RSBN1L: variants seen among roughly 807,000 people sequenced by gnomAD.
The protein encoded by RSBN1L is lysine-specific demethylase RSBN1L.
In RSBN1L, 30 loss-of-function variants were observed where a neutral mutation model predicts 67.7. The observed-to-expected ratio is 0.44, with a 90% CI of 0.33 to 0.60. The LOEUF (loss-of-function observed/expected upper bound fraction) is 0.60. Among genes scored for constraint, RSBN1L ranks in the 20% least tolerant of loss-of-function variants. The pLI is 0.02. For missense variants in RSBN1L, 992 were observed against 1,031.7 expected (o/e 0.96, Z 0.53); for synonymous variants, 433 against 387.0 (o/e 1.12, Z -1.39).
chr7:77,728,273 C>T (rs1021211466), intron 1 of RSBN1L, among the ~76,000 whole-genome samples: 3 of 151,966 alleles, frequency 2.0e-5, no homozygotes, highest in East Asian at 1.9e-4. Flanking sequence ...CTGAATATGC[C>T]TTCCTGCATA....
In RSBN1L at chr7:77,773,312, G is replaced by A. The variant is rs1791870470; in HGVS notation, c.1791G>A (p.Glu597=). 2 of 1,533,888 alleles carry A rather than the reference G, an allele frequency of 1.3e-6. No homozygotes were observed. The highest frequency in any genetic ancestry group is 1.3e-5 in the South Asian group (1 of 79,082). Residue 597 remains glutamate (E), a splice_region_variant and synonymous_variant, in exon 6 of 8, where the codon GAG becomes GAA. Transcript: ENST00000334955. ...VGVLKAVHCG[E]WPDQPRITKD... ...TGCTGAAGGCTGTGCACTGTGGAGAGTGGTATATATAACTACCGCTATTTT... is the reference window on the plus strand; with the variant it reads ...TGCTGAAGGCTGTGCACTGTGGAGAATGGTATATATAACTACCGCTATTTT...
In RSBN1L at chr7:77,711,631, A is replaced by G. The variant is rs75207754; in HGVS notation, c.586+14576A>G. 6.7e-3 allele frequency among the ~76,000 whole-genome samples: 1,023 copies of G among 152,308 alleles called. 13 individuals are homozygous for G. The highest frequency in any genetic ancestry group is 0.024 in the African/African-American group (985 of 41,566). ...GTACTAGGATTACAAGTGTGAGCCA[A>G]AGTGCCCAGCCTGTATTGTTAAAGC... On this transcript the variant is annotated intron_variant, in intron 1 of 7. Coordinates refer to ENST00000334955, the MANE Select transcript of RSBN1L (RefSeq NM_198467.3).
chr7:77,748,610 G>A (rs547730022), intron 2 of RSBN1L, among the ~76,000 whole-genome samples: 1 of 151,950 alleles, frequency 6.6e-6, no homozygotes, highest in East Asian at 1.9e-4. Context: ...TCAGCCTCCC[G>A]GGTAGCTGGG....
At chr7:77,772,295 A>AT (rs1324686833) in intron 5 of RSBN1L, among the ~76,000 whole-genome samples, 1 of 152,202 alleles carries the variant, frequency 6.6e-6, no homozygotes, top group African/African-American at 2.4e-5. Context: ...CCCTGGGAAG[A>AT]TAGACAAGGA....
Position 77,696,742 on chromosome 7 carries a change from G to T in RSBN1L, c.273G>T (p.Leu91=). 1 of 1,613,770 alleles carries T rather than the reference G, an allele frequency of 6.2e-7. No individual in the cohort carries two copies. Among genetic ancestry groups the T allele is most frequent in the Admixed American group, 1.7e-5 (1 of 60,024 alleles). ...GSPASWSFAP[L]SAAPSPSSSR... Reference sequence around the variant, plus strand: ...CCGCGTCTTGGAGCTTTGCCCCTCTGTCTGCTGCTCCCTCCCCGTCCTCTT... The same window carrying T: ...CCGCGTCTTGGAGCTTTGCCCCTCTTTCTGCTGCTCCCTCCCCGTCCTCTT... The change falls in exon 1 of 8, where the codon CTG becomes CTT. Residue 91 remains leucine (L), a synonymous_variant. Coordinates refer to ENST00000334955, the MANE Select transcript of RSBN1L (RefSeq NM_198467.3).
At chr7:77,751,340 A>G (rs868844177) in intron 3 of RSBN1L, among the ~76,000 whole-genome samples, 5 of 152,106 alleles carry the variant, frequency 3.3e-5, no homozygotes, top group South Asian at 2.1e-4. Flanking sequence ...GGGTTTCGCT[A>G]TGTTGGCCAG....
chr7:77,773,984 C>A (rs181100549), intron 6 of RSBN1L, among the ~76,000 whole-genome samples: 1 of 152,262 alleles, frequency 6.6e-6, no homozygotes, highest in East Asian at 1.9e-4. Context: ...AGGCTCAGGG[C>A]TGTCAAATAA....
intron 1 of RSBN1L, among the ~76,000 whole-genome samples, chr7:77,698,372 C>T (rs1302795371): frequency 6.6e-6 from 1 of 152,188 alleles, no homozygotes; most frequent in Non-Finnish European, 1.5e-5. Flanking sequence ...TTTGTTTTAA[C>T]AATTTATATG....
At chr7:77,704,745 A>T (rs1437025908) in intron 1 of RSBN1L, among the ~76,000 whole-genome samples, 2 of 152,126 alleles carry the variant, frequency 1.3e-5, no homozygotes, top group African/African-American at 4.8e-5. Flanking sequence ...TGGGAGGCTG[A>T]GGTGGGTGGA....
intron 1 of RSBN1L, among the ~76,000 whole-genome samples, chr7:77,719,695 C>T (rs1212093409): frequency 6.6e-6 from 1 of 152,176 alleles, no homozygotes; most frequent in Admixed American, 6.5e-5. Context: ...GTGAGGAAAA[C>T]CTGAGCTAAA....
At position 77,697,074 on chromosome 7, in the gene RSBN1L, G is replaced by T. The variant is rs1440869614; in HGVS notation, c.586+19G>T. The T allele has an allele frequency of 1.0e-5, 14 of 1,384,430 alleles. No homozygotes were observed. Among genetic ancestry groups the T allele is most frequent in the Non-Finnish European group, 1.3e-5 (14 of 1,074,808 alleles). The allele number at this position is 1,384,430 out of a possible 1,614,324, so 85.8% of individuals were successfully genotyped here. A position where few individuals can be genotyped will look rare whatever the true frequency, so the allele number is the denominator to read the frequency against. Reference sequence around the variant, plus strand: ...CCCCGAGGTGGGTGCCGTGCGGGGAGGGGGAGGGGAGGGCGCCGTGGGTCC... The same window carrying T: ...CCCCGAGGTGGGTGCCGTGCGGGGATGGGGAGGGGAGGGCGCCGTGGGTCC... On this transcript the variant is annotated intron_variant, in intron 1 of 7. Coordinates refer to ENST00000334955, the MANE Select transcript of RSBN1L (RefSeq NM_198467.3).
intron 3 of RSBN1L, among the ~76,000 whole-genome samples, chr7:77,758,222 G>A (rs1373820610): frequency 1.3e-5 from 2 of 152,106 alleles, no homozygotes; most frequent in East Asian, 3.8e-4. Flanking sequence ...GCAGTGGTGC[G>A]ATCTCGGCTC....
chr7:77,720,096 TTGTG>T (rs1329410516), intron 1 of RSBN1L, among the ~76,000 whole-genome samples: 1 of 152,168 alleles, frequency 6.6e-6, no homozygotes. Flanking sequence ...CTCTTACTCT[TTGTG>T]TGTTCTTGTG....
At chr7:77,710,703 C>A (rs1790960791) in intron 1 of RSBN1L, among the ~76,000 whole-genome samples, 1 of 152,162 alleles carries the variant, frequency 6.6e-6, no homozygotes, top group Non-Finnish European at 1.5e-5. Context: ...TCAGGTGATT[C>A]TCCTGCCTCA....
intron 1 of RSBN1L, among the ~76,000 whole-genome samples, chr7:77,728,905 G>C (rs1562799145): frequency 6.6e-6 from 1 of 152,172 alleles, no homozygotes; most frequent in Non-Finnish European, 1.5e-5. Context: ...TGAGTTCTGG[G>C]ATATTGCTAA....
intron 1 of RSBN1L, among the ~76,000 whole-genome samples, chr7:77,698,848 A>G (rs1790775431): frequency 1.3e-5 from 2 of 152,104 alleles, no homozygotes; most frequent in South Asian, 2.1e-4. Context: ...AGGAAAAACT[A>G]TCAGAGAAAA....
intron 1 of RSBN1L, among the ~76,000 whole-genome samples, chr7:77,714,996 A>G (rs1213308847): frequency 6.7e-6 from 1 of 149,582 alleles, no homozygotes; most frequent in Non-Finnish European, 1.5e-5. Flanking sequence ...AGTGGGCTGG[A>G]TGTGGTGACT....
At chr7:77,742,617 C>G (rs1477683443) in intron 2 of RSBN1L, among the ~76,000 whole-genome samples, 2 of 151,752 alleles carry the variant, frequency 1.3e-5, no homozygotes, top group Non-Finnish European at 2.9e-5. Context: ...GCACGCAGAT[C>G]ACTTGAGGTC....
intron 1 of RSBN1L, among the ~76,000 whole-genome samples, chr7:77,735,952 A>G (rs903616900): frequency 1.1e-4 from 16 of 152,080 alleles, no homozygotes; most frequent in African/African-American, 3.6e-4. Flanking sequence ...GTCATTTTAT[A>G]TATTTTTTCA....
Sources: gnomAD v4.1 joint callset for allele counts (sites outside exome capture counted in the v4.1 genomes callset) on GRCh38, gnomAD v4.1.1 for gene constraint, MANE v1.5 for transcripts, NCBI Gene and HGNC (gene_info 2026-07-23, HGNC 2026-07-21) for gene names.